Variants in DHX30 observed in about 807,000 individuals in gnomAD.
DHX30 encodes the protein DExH-box helicase 30, also known as ATP-dependent RNA helicase DHX30.
In DHX30, 4 loss-of-function variants were observed where a neutral mutation model predicts 116.9. That is an observed-to-expected ratio of 0.03 (90% CI 0.02 to 0.08). DHX30 has a LOEUF of 0.08. Ranked by LOEUF, DHX30 falls within the 10% of genes least tolerant of loss-of-function variation. The probability of loss-of-function intolerance (pLI) is 1.00; values close to 1 mark genes in which losing one functional copy is unlikely to be tolerated. For synonymous variants in DHX30, 697 were observed against 651.7 expected (o/e 1.07, Z -1.06); for missense variants, 871 against 1,595.1 (o/e 0.55, Z 7.73).
intron 3 of DHX30, among the ~76,000 whole-genome samples, chr3:47,817,556 G>A (rs2036112960): frequency 6.6e-6 from 1 of 152,192 alleles, no homozygotes; most frequent in Non-Finnish European, 1.5e-5. Context: ...CTCTTACCCA[G>A]CTCTTGGAGG....
chr3:47,818,942 A>G (rs1478339632), intron 4 of DHX30, among the ~76,000 whole-genome samples: 2 of 152,154 alleles, frequency 1.3e-5, no homozygotes, highest in Admixed American at 6.5e-5. Flanking sequence ...TAGAGACAGC[A>G]TGTCTACTCT....
intron 2 of DHX30, 137 bp from the exon 3 acceptor site, chr3:47,810,520 C>G: frequency 1.5e-6 from 1 of 659,042 alleles, no homozygotes; most frequent in Non-Finnish European, 2.7e-6. Flanking sequence ...GACTGGGGAG[C>G]AGCAGTTGGG....
intron 6 of DHX30, among the ~76,000 whole-genome samples, chr3:47,834,999 T>C (rs2037038260): frequency 6.6e-6 from 1 of 151,958 alleles, no homozygotes; most frequent in African/African-American, 2.4e-5. Context: ...CTTCTTTATT[T>C]TTTATTTTAT....
rs1270374257 is a variant in DHX30 at position 47,805,391 on chromosome 3, A to C, written c.-57A>C. 1 of 399,032 alleles carries C rather than the reference A, an allele frequency of 2.5e-6. No individual in the cohort carries two copies. The highest frequency in any genetic ancestry group is 4.4e-6 in the Non-Finnish European group (1 of 226,122). 24.7% of individuals were successfully genotyped at this position (399,032 alleles called of 1,614,324 possible). On this transcript the variant is annotated 5_prime_UTR_variant, in exon 2 of 22. Coordinates refer to ENST00000445061, the MANE Select transcript of DHX30 (RefSeq NM_138615.3). ...ATTCAGCTCCAGTTCAAAAGCCTAC[A>C]AAATCTGAGACTGTCATTGCTTTTA...
At chr3:47,845,433 T>C (rs2107128938) in intron 9 of DHX30, 1 of 235,184 alleles carries the variant, frequency 4.3e-6, no homozygotes, top group Non-Finnish European at 8.1e-6. Flanking sequence ...GTGATTTGCC[T>C]GCCTCGGCCT....
intron 2 of DHX30, 66 bp from the exon 3 acceptor site, chr3:47,810,591 A>G (rs957545281): frequency 1.3e-5 from 17 of 1,283,658 alleles, no homozygotes; most frequent in Non-Finnish European, 1.8e-5. Flanking sequence ...ATGTTACTGA[A>G]GTCTTCTTTG....
rs1318019136 is a variant in DHX30, at chr3:47,848,043, G to T, written c.2286+87G>T. ...CCCAGCCCAGATCTACCTTAGACCT[G>T]CTTTGTGTGTCTTCAGAAGGCCGCG... On this transcript the variant is annotated intron_variant, in intron 14 of 21. Coordinates refer to ENST00000445061, the MANE Select transcript of DHX30 (RefSeq NM_138615.3). The surrounding 1 kb of genome is among the most constrained non-coding windows in gnomAD (Gnocchi z 9.4). 6.3e-7 allele frequency: 1 copy of T among 1,588,208 alleles called. No individual in the cohort carries two copies. Among genetic ancestry groups the T allele is most frequent in the African/African-American group, 1.3e-5 (1 of 74,562 alleles).
At chr3:47,809,536 G>A (rs542826251) in intron 2 of DHX30, among the ~76,000 whole-genome samples, 3 of 152,092 alleles carry the variant, frequency 2.0e-5, no homozygotes, top group African/African-American at 4.8e-5. Flanking sequence ...GAGCCACCGC[G>A]CCTGGCCGGA....
At chr3:47,829,314 A>ATATATATTTT (rs1177077114) in intron 6 of DHX30, among the ~76,000 whole-genome samples, 180 bp downstream of exon 6, 2 of 34,192 alleles carry the variant, frequency 5.8e-5, no homozygotes, top group African/African-American at 1.1e-4. Context: ...ATATATATAT[A>ATATATATTTT]TTTTTTTTTT....
chr3:47,816,680 G>C, intron 3 of DHX30: 1 of 985,600 alleles, frequency 1.0e-6, no homozygotes, highest in Non-Finnish European at 1.2e-6. Context: ...AATGTGAGCA[G>C]AGCTGGCAGT....
chr3:47,805,259 G>A (rs909645776), intron 1 of DHX30, 67 bp from the exon 2 acceptor site: 1 of 398,542 alleles, frequency 2.5e-6, no homozygotes, highest in Non-Finnish European at 4.4e-6. Flanking sequence ...GCTAGTAAAT[G>A]ATGGTTGGAG....
intron 2 of DHX30, among the ~76,000 whole-genome samples, chr3:47,809,536 G>T (rs542826251): frequency 1.3e-5 from 2 of 152,210 alleles, no homozygotes; most frequent in East Asian, 3.9e-4. Flanking sequence ...GAGCCACCGC[G>T]CCTGGCCGGA....
chr3:47,838,254 A>T (rs1044992942), intron 6 of DHX30, among the ~76,000 whole-genome samples: 1 of 152,182 alleles, frequency 6.6e-6, no homozygotes. Context: ...TCACGCGTCT[A>T]TTCTTAATAG....
At chr3:47,816,923 A>T (rs1049773332) in intron 3 of DHX30, 32 of 985,152 alleles carry the variant, frequency 3.2e-5, no homozygotes, top group Non-Finnish European at 3.7e-5. Flanking sequence ...TTAATAAAAA[A>T]AAAAATAGCT....
At chr3:47,823,650 C>A (rs2036401159) in intron 4 of DHX30, among the ~76,000 whole-genome samples, 1 of 152,188 alleles carries the variant, frequency 6.6e-6, no homozygotes, top group African/African-American at 2.4e-5. Context: ...GCATGAGCCA[C>A]TGCGCCTGGC....
intron 3 of DHX30, among the ~76,000 whole-genome samples, chr3:47,811,019 G>A (rs1172912586): frequency 6.6e-6 from 1 of 151,674 alleles, no homozygotes; most frequent in Non-Finnish European, 1.5e-5. Flanking sequence ...GCACGATCTC[G>A]GCTCAGTGCA....
intron 3 of DHX30, chr3:47,816,068 A>C: frequency 1.0e-6 from 1 of 985,316 alleles, no homozygotes. Context: ...TTTCAAAATA[A>C]ACCTTGATCC....
chr3:47,840,834 T>C (rs1159583254), intron 6 of DHX30, 43 bp from the exon 7 acceptor site: 1 of 1,612,418 alleles, frequency 6.2e-7, no homozygotes, highest in African/African-American at 1.3e-5. Context: ...GACTGAGGTG[T>C]AAAGATGGTA....
chr3:47,816,823 A>T (rs1305115680), intron 3 of DHX30: 9 of 985,188 alleles, frequency 9.1e-6, no homozygotes, highest in Admixed American at 6.2e-5. Flanking sequence ...GTTGTGAAAA[A>T]TTTCAAAAAT....
Sources: allele counts gnomAD v4.1 joint callset (sites outside exome capture counted in the v4.1 genomes callset), GRCh38; gene constraint gnomAD v4.1.1; non-coding constraint Gnocchi (gnomAD v3.1); transcripts MANE v1.5; gene names NCBI Gene and HGNC (gene_info 2026-07-23, HGNC 2026-07-21).